Variants in GRIK2 observed in about 807,000 individuals in gnomAD.
The protein encoded by GRIK2 is glutamate ionotropic receptor kainate type subunit 2.
GRIK2 carries 32 observed loss-of-function variants against 100.3 expected under a neutral mutation model. The ratio of observed to expected loss-of-function variants is 0.32; its 90% CI spans 0.24 to 0.43. The LOEUF is 0.43. GRIK2 is among the 20% of genes least tolerant of loss of function. GRIK2 has a pLI of 1.00. For synonymous variants in GRIK2, 417 were observed against 389.4 expected, an observed-to-expected ratio of 1.07 and a Z score of -0.83; for missense variants, 843 against 1,114.9, an observed-to-expected ratio of 0.76 and a Z score of 3.47.
At chr6:101,867,114 G>C (rs1384510153) in intron 11 of GRIK2, among the ~76,000 whole-genome samples, 1 of 151,682 alleles carries the variant, frequency 6.6e-6, no homozygotes, top group Non-Finnish European at 1.5e-5. Context: ...ATCCACTTGT[G>C]GTTTGTTTAT....
intron 14 of GRIK2, among the ~76,000 whole-genome samples, chr6:101,961,176 G>A (rs1007950312): frequency 3.9e-5 from 6 of 152,112 alleles, no homozygotes; most frequent in South Asian, 2.1e-4. Flanking sequence ...AGACATTGTA[G>A]TTCATCTTCA....
chr6:101,826,773 A>G (rs1320046448), intron 10 of GRIK2, among the ~76,000 whole-genome samples: 1 of 151,766 alleles, frequency 6.6e-6, no homozygotes, highest in Non-Finnish European at 1.5e-5. Context: ...GGAATTTAAT[A>G]GCATACCATT....
chr6:101,829,238 C>T (rs777210148), intron 10 of GRIK2, among the ~76,000 whole-genome samples: 1 of 151,494 alleles, frequency 6.6e-6, no homozygotes, highest in Non-Finnish European at 1.5e-5. Context: ...CTCAACAAAC[C>T]AGGCATTGAA....
intron 2 of GRIK2, among the ~76,000 whole-genome samples, chr6:101,618,210 T>C (rs1779989744): frequency 6.6e-6 from 1 of 151,728 alleles, no homozygotes; most frequent in African/African-American, 2.4e-5. Context: ...ATCTACTTAA[T>C]CCAGAAATAT....
chr6:101,797,349 G>A (rs1015338181), intron 7 of GRIK2, among the ~76,000 whole-genome samples: 1 of 151,728 alleles, frequency 6.6e-6, no homozygotes, highest in Non-Finnish European at 1.5e-5. Context: ...ATGTAGTGGT[G>A]GCCAAAAGCA....
chr6:101,639,824 T>A (rs1368062027), intron 4 of GRIK2, among the ~76,000 whole-genome samples: 1 of 152,172 alleles, frequency 6.6e-6, no homozygotes, highest in African/African-American at 2.4e-5. Context: ...TCTTCCAAGT[T>A]AGAAGTGGAA....
intron 2 of GRIK2, among the ~76,000 whole-genome samples, chr6:101,457,614 A>T (rs1237306117): frequency 6.6e-6 from 1 of 152,118 alleles, no homozygotes; most frequent in Non-Finnish European, 1.5e-5. Context: ...CTCTAAATAT[A>T]ATCTATAGCC....
At chr6:101,715,593 A>G (rs979585783) in intron 7 of GRIK2, among the ~76,000 whole-genome samples, 1 of 151,772 alleles carries the variant, frequency 6.6e-6, no homozygotes, top group Non-Finnish European at 1.5e-5. Context: ...CAAGAATATA[A>G]TATAGTCCAA....
chr6:101,649,831 T>C (rs1781704413), intron 4 of GRIK2, among the ~76,000 whole-genome samples: 1 of 152,100 alleles, frequency 6.6e-6, no homozygotes, highest in Non-Finnish European at 1.5e-5. Flanking sequence ...TGACAACTGA[T>C]GCTGTGGGCT....
At chr6:101,518,136 G>C (rs1345185478) in intron 2 of GRIK2, among the ~76,000 whole-genome samples, 1 of 152,052 alleles carries the variant, frequency 6.6e-6, no homozygotes, top group African/African-American at 2.4e-5. Context: ...GTAAGATGGA[G>C]CATTTATTGG....
intron 5 of GRIK2, among the ~76,000 whole-genome samples, chr6:101,677,645 T>C (rs1770937732): frequency 6.6e-6 from 1 of 152,052 alleles, no homozygotes; most frequent in Non-Finnish European, 1.5e-5. Flanking sequence ...TGAACACAAA[T>C]TTTTGGATTT....
intron 16 of GRIK2, among the ~76,000 whole-genome samples, chr6:102,060,352 AC>A (rs1262945577): frequency 1.3e-5 from 2 of 150,834 alleles, no homozygotes; most frequent in Admixed American, 6.6e-5. Context: ...AATGAACAAA[AC>A]ATTTCAATTT....
intron 14 of GRIK2, among the ~76,000 whole-genome samples, chr6:101,960,187 A>G (rs1407642492): frequency 1.3e-5 from 2 of 150,578 alleles, no homozygotes; most frequent in African/African-American, 4.9e-5. Flanking sequence ...TTTTATTTTC[A>G]GAAGTTCTGT....
At chr6:101,854,258 C>T (rs911822958) in intron 10 of GRIK2, among the ~76,000 whole-genome samples, 1 of 151,832 alleles carries the variant, frequency 6.6e-6, no homozygotes, top group Non-Finnish European at 1.5e-5. Flanking sequence ...AAAATTAAGT[C>T]TATTAATTAA....
chr6:102,018,409 A>G (rs1769238916), intron 14 of GRIK2, among the ~76,000 whole-genome samples: 1 of 152,140 alleles, frequency 6.6e-6, no homozygotes, highest in Admixed American at 6.6e-5. Flanking sequence ...CTCTGGTAAA[A>G]GAATTTCTCC....
chr6:101,952,862 A>C (rs189874238), intron 14 of GRIK2, among the ~76,000 whole-genome samples: 1 of 152,178 alleles, frequency 6.6e-6, no homozygotes, highest in Non-Finnish European at 1.5e-5. Flanking sequence ...TCGGCCTCCC[A>C]AAGTGTCACC....
intron 4 of GRIK2, 65 bp from the exon 5 acceptor site, chr6:101,676,558 G>A (rs1180436521): frequency 1.1e-6 from 1 of 937,804 alleles, no homozygotes; most frequent in Non-Finnish European, 1.6e-6. Flanking sequence ...AGTGTTTTCT[G>A]ATTCTTTGCC....
intron 12 of GRIK2, among the ~76,000 whole-genome samples, chr6:101,918,047 A>G (rs916101829): frequency 8.6e-5 from 13 of 151,648 alleles, no homozygotes; most frequent in African/African-American, 3.1e-4. Context: ...CATCTATAAA[A>G]TGAGGTGGGG....
At chr6:101,913,232 G>C (rs1300509771) in intron 12 of GRIK2, among the ~76,000 whole-genome samples, 1 of 151,498 alleles carries the variant, frequency 6.6e-6, no homozygotes, top group Non-Finnish European at 1.5e-5. Context: ...ATACATTTTA[G>C]TGATTGTTTT....
Sources: allele counts gnomAD v4.1 joint callset (sites outside exome capture counted in the v4.1 genomes callset), GRCh38; gene constraint gnomAD v4.1.1; transcripts MANE v1.5; gene names NCBI Gene and HGNC (gene_info 2026-07-23, HGNC 2026-07-21).